EMCN: variants seen among roughly 807,000 people sequenced by gnomAD.
EMCN encodes the protein MUC-14.
Under a neutral mutation model 38.4 loss-of-function variants are expected in EMCN, and 37 were observed. That is an observed-to-expected ratio of 0.96 (90% CI 0.74 to 1.27). EMCN has a LOEUF of 1.27. Among genes scored for constraint, EMCN ranks in the 50% most tolerant of loss-of-function variants. EMCN has a pLI of 0.00. For synonymous variants in EMCN, 95 were observed against 100.8 expected (o/e 0.94, Z 0.35); for missense variants, 318 against 302.8 (o/e 1.05, Z -0.37).
At chr4:100,454,180 A>T (rs528281392) in intron 4 of EMCN, among the ~76,000 whole-genome samples, 29 of 125,500 alleles carry the variant, frequency 2.3e-4, no homozygotes, top group South Asian at 1.7e-3. Flanking sequence ...TAATAATAAT[A>T]AAAAAATTAA....
chr4:100,507,614 C>T (rs1729518009), intron 1 of EMCN, among the ~76,000 whole-genome samples: 1 of 152,150 alleles, frequency 6.6e-6, no homozygotes, highest in Non-Finnish European at 1.5e-5. Flanking sequence ...GTGCAGAATA[C>T]TCTTCCCAAA....
intron 4 of EMCN, among the ~76,000 whole-genome samples, chr4:100,462,874 A>G (rs1050178130): frequency 2.0e-5 from 3 of 152,152 alleles, no homozygotes; most frequent in African/African-American, 7.2e-5. Flanking sequence ...ACAATAAAAA[A>G]GAGACAATTT....
intron 11 of EMCN, among the ~76,000 whole-genome samples, chr4:100,409,423 G>T (rs1048559579): frequency 1.1e-4 from 16 of 152,216 alleles, no homozygotes; most frequent in Admixed American, 8.5e-4. Flanking sequence ...TCCAAAGCAG[G>T]TTTAACGTTG....
intron 1 of EMCN, chr4:100,486,872 G>T: frequency 1.0e-6 from 1 of 985,442 alleles, no homozygotes; most frequent in Non-Finnish European, 1.2e-6. Context: ...CAGGTGTCTT[G>T]TTCAAAAGTA....
chr4:100,451,437 T>C (rs921132150), intron 4 of EMCN, among the ~76,000 whole-genome samples: 1 of 151,808 alleles, frequency 6.6e-6, no homozygotes, highest in Non-Finnish European at 1.5e-5. Flanking sequence ...ATGAAAAATA[T>C]ACACATTCAA....
intron 1 of EMCN, among the ~76,000 whole-genome samples, chr4:100,490,809 C>T (rs1578229128): frequency 6.6e-6 from 1 of 152,180 alleles, no homozygotes; most frequent in South Asian, 2.1e-4. Context: ...GTTTTCTCTA[C>T]ATCCTATCTA....
intron 3 of EMCN, among the ~76,000 whole-genome samples, chr4:100,471,821 T>C (rs1372620841): frequency 6.6e-6 from 1 of 152,020 alleles, no homozygotes; most frequent in Non-Finnish European, 1.5e-5. Flanking sequence ...AATAAGGAAT[T>C]TTTTAAAAAC....
At chr4:100,460,991 A>T (rs1387022938) in intron 4 of EMCN, among the ~76,000 whole-genome samples, 1 of 152,172 alleles carries the variant, frequency 6.6e-6, no homozygotes, top group African/African-American at 2.4e-5. Context: ...CACATTGTGT[A>T]TCCAATTAGA....
intron 1 of EMCN, among the ~76,000 whole-genome samples, chr4:100,494,740 G>A (rs905304129): frequency 1.3e-5 from 2 of 151,388 alleles, no homozygotes; most frequent in South Asian, 2.1e-4. Context: ...AAGAGCTGAA[G>A]ATAAATGAAT....
At chr4:100,442,484 T>A (rs1727550841) in intron 5 of EMCN, among the ~76,000 whole-genome samples, 1 of 152,176 alleles carries the variant, frequency 6.6e-6, no homozygotes, top group Non-Finnish European at 1.5e-5. Flanking sequence ...AAGCTTTCTG[T>A]CTCTTTCTTT....
intron 3 of EMCN, chr4:100,473,773 C>G (rs1312288138): frequency 4.6e-5 from 7 of 152,424 alleles, no homozygotes; most frequent in Non-Finnish European, 7.4e-5. Flanking sequence ...AATTGGAAAG[C>G]TGGGAAAATC....
chr4:100,412,738 CT>C (rs1375657422), intron 10 of EMCN, among the ~76,000 whole-genome samples: 1 of 152,158 alleles, frequency 6.6e-6, no homozygotes, highest in Non-Finnish European at 1.5e-5. Flanking sequence ...CCCTAGTAAG[CT>C]TTCTCTTTTA....
chr4:100,435,975 T>C (rs2110231879), intron 5 of EMCN, among the ~76,000 whole-genome samples: 1 of 152,166 alleles, frequency 6.6e-6, no homozygotes, highest in Middle Eastern at 3.4e-3. Context: ...CAGGCAAAGA[T>C]TTCATGATGA....
At chr4:100,506,096 T>A (rs940225703) in intron 1 of EMCN, among the ~76,000 whole-genome samples, 7 of 152,214 alleles carry the variant, frequency 4.6e-5, no homozygotes, top group Non-Finnish European at 7.3e-5. Flanking sequence ...CTATGTTTTT[T>A]AAATCATTTT....
At chr4:100,415,477 T>C (rs948102336) in intron 10 of EMCN, among the ~76,000 whole-genome samples, 4 of 152,222 alleles carry the variant, frequency 2.6e-5, no homozygotes, top group African/African-American at 9.6e-5. Flanking sequence ...CAATTAAATG[T>C]ATATAAATGA....
intron 1 of EMCN, among the ~76,000 whole-genome samples, chr4:100,494,774 A>T (rs1411476168): frequency 6.6e-6 from 1 of 151,920 alleles, no homozygotes; most frequent in Admixed American, 6.6e-5. Context: ...AAAATAAAAC[A>T]AAACTTGTTA....
At chr4:100,516,550 A>T (rs756423485) in intron 1 of EMCN, among the ~76,000 whole-genome samples, 2 of 152,090 alleles carry the variant, frequency 1.3e-5, no homozygotes, top group African/African-American at 2.4e-5. Flanking sequence ...TACCACATAA[A>T]TGTTCTTTAT....
chr4:100,474,291 A>C (rs1429603686), intron 3 of EMCN, among the ~76,000 whole-genome samples: 6 of 152,220 alleles, frequency 3.9e-5, no homozygotes, highest in Middle Eastern at 3.2e-3. Context: ...CATTAGAGAA[A>C]TATAACTCAG....
At chr4:100,468,171 G>C (rs758738990) in intron 3 of EMCN, among the ~76,000 whole-genome samples, 1 of 152,172 alleles carries the variant, frequency 6.6e-6, no homozygotes, top group Non-Finnish European at 1.5e-5. Context: ...TGAGGGAGTC[G>C]TATCAGTACC....
Sources: gnomAD v4.1 joint callset for allele counts (sites outside exome capture counted in the v4.1 genomes callset) on GRCh38, gnomAD v4.1.1 for gene constraint, MANE v1.5 for transcripts, NCBI Gene and HGNC (gene_info 2026-07-23, HGNC 2026-07-21) for gene names.